The following DOK6 variants were observed in gnomAD, a reference collection of about 807,000 sequenced individuals.
DOK6 encodes docking protein 6.
In DOK6, 22 loss-of-function variants were observed where a neutral mutation model predicts 44.0. That is an observed-to-expected ratio of 0.50 (90% confidence interval 0.36 to 0.71). The LOEUF (loss-of-function observed/expected upper bound fraction) is 0.71. Among genes scored for constraint, DOK6 ranks in the 30% least tolerant of loss-of-function variants. DOK6 has a pLI of 0.00. For missense variants in DOK6, 340 were observed against 416.4 expected, an observed-to-expected ratio of 0.82 and a Z score of 1.60; for synonymous variants, 166 against 145.5, an observed-to-expected ratio of 1.14 and a Z score of -1.01.
intron 1 of DOK6, among the ~76,000 whole-genome samples, chr18:69,416,186 GAA>G (rs1407843553): frequency 7.1e-6 from 1 of 141,056 alleles, no homozygotes; most frequent in African/African-American, 2.9e-5. Context: ...AGGAACGAAG[GAA>G]GGAACGAAGG....
intron 3 of DOK6, among the ~76,000 whole-genome samples, chr18:69,663,670 T>C (rs1317889071): frequency 6.6e-6 from 1 of 152,204 alleles, no homozygotes; most frequent in Admixed American, 6.5e-5. Flanking sequence ...CTAGGCACAG[T>C]ATTGTGTTTG....
chr18:69,600,751 G>C (rs1202412609), intron 3 of DOK6, among the ~76,000 whole-genome samples: 1 of 151,900 alleles, frequency 6.6e-6, no homozygotes, highest in African/African-American at 2.4e-5. Flanking sequence ...AAATTGTAGT[G>C]AGCAATATTT....
chr18:69,774,131 G>GATATATATAT (rs1212221255), intron 7 of DOK6, among the ~76,000 whole-genome samples: 1 of 13,860 alleles, frequency 7.2e-5, no homozygotes, highest in East Asian at 0.021. Flanking sequence ...ATATATATAT[G>GATATATATAT]AGATATATAT....
intron 1 of DOK6, among the ~76,000 whole-genome samples, chr18:69,518,109 C>A (rs921076935): frequency 3.3e-5 from 5 of 152,100 alleles, no homozygotes; most frequent in Non-Finnish European, 7.4e-5. Flanking sequence ...ATAAATACTA[C>A]AAGATTTACT....
intron 3 of DOK6, among the ~76,000 whole-genome samples, chr18:69,619,050 C>A (rs1331968358): frequency 1.3e-5 from 2 of 151,890 alleles, no homozygotes; most frequent in African/African-American, 4.8e-5. Context: ...GTTCCACTTA[C>A]AAGAAAGAAA....
intron 2 of DOK6, among the ~76,000 whole-genome samples, chr18:69,578,612 A>G (rs965186145): frequency 6.6e-6 from 1 of 152,170 alleles, no homozygotes; most frequent in Non-Finnish European, 1.5e-5. Context: ...GCTTTTCATT[A>G]TTTCAGAGTA....
chr18:69,539,650 G>T (rs1481747145), intron 1 of DOK6, among the ~76,000 whole-genome samples: 1 of 151,754 alleles, frequency 6.6e-6, no homozygotes, highest in Non-Finnish European at 1.5e-5. Context: ...ATGTACCATT[G>T]TTTATTTAAT....
At chr18:69,798,187 T>C (rs1980803496) in intron 7 of DOK6, among the ~76,000 whole-genome samples, 2 of 151,968 alleles carry the variant, frequency 1.3e-5, no homozygotes, top group Non-Finnish European at 2.9e-5. Flanking sequence ...ACAAGACATA[T>C]AAATGGGTCT....
intron 7 of DOK6, among the ~76,000 whole-genome samples, chr18:69,773,569 G>A (rs1217136506): frequency 6.6e-6 from 1 of 151,954 alleles, no homozygotes; most frequent in African/African-American, 2.4e-5. Flanking sequence ...GTTATGCTAA[G>A]TAAAATATGC....
intron 5 of DOK6, among the ~76,000 whole-genome samples, chr18:69,732,789 T>C (rs568468065): frequency 6.6e-6 from 1 of 152,194 alleles, no homozygotes; most frequent in South Asian, 2.1e-4. Context: ...TTAGAGAGGG[T>C]TAAATGGCAT....
At chr18:69,832,332 A>C (rs1981924076) in intron 7 of DOK6, among the ~76,000 whole-genome samples, 1 of 152,144 alleles carries the variant, frequency 6.6e-6, no homozygotes, top group Non-Finnish European at 1.5e-5. Flanking sequence ...GTAATGTATC[A>C]TGTTTATTGA....
In DOK6 at chr18:69,757,839, T is replaced by A. The variant is rs1979410308; in HGVS notation, c.822T>A (p.Arg274=). The change falls in exon 7 of 8, where the codon CGT becomes CGA. Residue 274 remains arginine (R), a synonymous_variant. Transcript: ENST00000382713. ...GCGCGTACTGGCATCACATCACTCG[T>A]CAGAACAGCGTTGGTGAAATCTACA... is the stretch of plus-strand genomic sequence containing the variant. ...PRSAYWHHIT[R]QNSVGEIYSL... is the part of the protein sequence containing the mutation. 1 of 1,614,054 alleles carries A rather than the reference T, an allele frequency of 6.2e-7. No homozygotes were observed. Among genetic ancestry groups the A allele is most frequent in the Non-Finnish European group, 8.5e-7 (1 of 1,180,000 alleles).
At chr18:69,612,603 C>T (rs1019774765) in intron 3 of DOK6, among the ~76,000 whole-genome samples, 15 of 50,002 alleles carry the variant, frequency 3.0e-4, no homozygotes, top group Admixed American at 2.5e-3. Context: ...TGCTTTGTTC[C>T]CCCTCACGCT....
chr18:69,426,525 G>A (rs999637669), intron 1 of DOK6, among the ~76,000 whole-genome samples: 2 of 151,968 alleles, frequency 1.3e-5, no homozygotes, highest in Admixed American at 1.3e-4. Context: ...ATTTTCTAGG[G>A]GAAGATATAA....
intron 7 of DOK6, among the ~76,000 whole-genome samples, chr18:69,800,808 A>T (rs1980882526): frequency 6.6e-6 from 1 of 152,178 alleles, no homozygotes. Context: ...TTCTTCAAGA[A>T]ATGTGTGACT....
intron 1 of DOK6, among the ~76,000 whole-genome samples, chr18:69,419,795 C>A (rs570421799): frequency 1.1e-3 from 169 of 152,242 alleles, no homozygotes; most frequent in African/African-American, 3.9e-3. Flanking sequence ...CAAAAGAGGG[C>A]AGTCAATAAA....
At chr18:69,656,205 G>A (rs1395368726) in intron 3 of DOK6, among the ~76,000 whole-genome samples, 1 of 152,122 alleles carries the variant, frequency 6.6e-6, no homozygotes, top group Non-Finnish European at 1.5e-5. Flanking sequence ...TTGTAATGCT[G>A]GAGAAAAGCA....
At chr18:69,532,779 T>C (rs1338201421) in intron 1 of DOK6, 1 of 152,240 alleles carries the variant, frequency 6.6e-6, no homozygotes, top group African/African-American at 2.4e-5. Context: ...GGAGAATTGC[T>C]TGAGCCTGGA....
intron 7 of DOK6, among the ~76,000 whole-genome samples, chr18:69,822,614 C>A (rs1386913956): frequency 1.3e-5 from 2 of 152,182 alleles, no homozygotes; most frequent in Non-Finnish European, 2.9e-5. Context: ...AAAAACAAAT[C>A]TTCCTTTGGC....
Sources: allele counts gnomAD v4.1 joint callset (sites outside exome capture counted in the v4.1 genomes callset), GRCh38; gene constraint gnomAD v4.1.1; transcripts MANE v1.5; gene names NCBI Gene and HGNC (gene_info 2026-07-23, HGNC 2026-07-21).